Variants in LAMA5 observed in about 807,000 individuals in gnomAD.
LAMA5 encodes laminin subunit alpha-5.
In LAMA5, 260 loss-of-function variants were observed where a neutral mutation model predicts 433.4. That is an observed-to-expected ratio of 0.60 (90% CI 0.54 to 0.66). LAMA5 has a LOEUF of 0.66. Ranked by LOEUF, LAMA5 falls within the 30% of genes least tolerant of loss-of-function variation. The pLI, the probability that LAMA5 is intolerant of heterozygous loss-of-function variation, is 0.00. For missense variants in LAMA5, 5,378 were observed against 5,258.5 expected (o/e 1.02, Z -0.70); for synonymous variants, 2,620 against 2,226.6 (o/e 1.18, Z -4.97).
chr20:62,338,208 C>A (rs1364332760), intron 13 of LAMA5, 24 bp downstream of exon 13: 1 of 1,577,304 alleles, frequency 6.3e-7, no homozygotes, highest in Middle Eastern at 1.7e-4. Flanking sequence ...CCTACCCACG[C>A]CCACGTGGAG....
At position 62,311,322 on chromosome 20, in the gene LAMA5, G is replaced by A. The variant is rs1199555902; in HGVS notation, c.9943-15C>T. 3.9e-6 allele frequency: 6 copies of A among 1,546,896 alleles called. No individual in the cohort carries two copies. The highest frequency in any genetic ancestry group is 5.2e-6 in the Non-Finnish European group (6 of 1,149,058). ...CGGCGGGAGGCCTGGGGGCGTGGAT[G>A]GTGAATGCAGGGGCCGCCCACACAG... On this transcript the variant is annotated splice_polypyrimidine_tract_variant and intron_variant, in intron 72 of 79. Transcript: ENST00000252999.
chr20:62,310,517 A>G lies in LAMA5; in HGVS notation c.10502T>C (p.Leu3501Pro). Residue 3501 changes from leucine (L) to proline (P), a missense_variant, in exon 76 of 80, where the codon CTG becomes CCG. Physicochemically the swap from Leu to Pro is moderately conservative, Grantham distance 98 (BLOSUM62 -3). Coordinates refer to ENST00000252999, the MANE Select transcript of LAMA5 (RefSeq NM_005560.6). Reference protein sequence around the residue: ...VKRLRLHGRPLGAPTRMAGVT... With the variant: ...VKRLRLHGRPPGAPTRMAGVT... ...CCCTGCCATCCGTGTGGGGGCCCCC[A>G]GGGGCCTCCCGTGCAGCCTCAGTCT... 6.4e-7 allele frequency: 1 copy of G among 1,555,398 alleles called. No homozygotes were observed. Among genetic ancestry groups the G allele is most frequent in the Non-Finnish European group, 8.6e-7 (1 of 1,157,850 alleles).
intron 70 of LAMA5, 32 bp from the exon 71 acceptor site, chr20:62,311,816 T>TTGGGGCCCC: frequency 1.1e-5 from 17 of 1,520,944 alleles, no homozygotes; most frequent in Non-Finnish European, 1.5e-5. Flanking sequence ...GCTCGGTTTT[T>TTGGGGCCCC]CCCCACCCTG....
At chr20:62,323,435 C>T in intron 45 of LAMA5, 21 bp downstream of exon 45, 1 of 1,519,132 alleles carries the variant, frequency 6.6e-7, no homozygotes, top group Non-Finnish European at 8.8e-7. Context: ...CAGGGTGCAT[C>T]CCTCCCAGCC....
intron 6 of LAMA5, among the ~76,000 whole-genome samples, 174 bp from the exon 7 acceptor site, chr20:62,347,202 C>T (rs925546434): frequency 8.5e-5 from 13 of 152,174 alleles, no homozygotes; most frequent in African/African-American, 2.9e-4. Context: ...CCAGACTCAG[C>T]GTCCCCGAGC....
intron 2 of LAMA5, among the ~76,000 whole-genome samples, chr20:62,354,504 C>G (rs906838975): frequency 4.6e-5 from 7 of 152,086 alleles, no homozygotes; most frequent in Non-Finnish European, 7.4e-5. Flanking sequence ...CACACCCGCC[C>G]AACAGTGAAA....
chr20:62,343,313 G>C (rs1982874298), intron 11 of LAMA5, among the ~76,000 whole-genome samples: 1 of 152,140 alleles, frequency 6.6e-6, no homozygotes, highest in South Asian at 2.1e-4. Context: ...GCAGACAAGA[G>C]AATTCCTGGG....
intron 12 of LAMA5, 39 bp downstream of exon 12, chr20:62,338,429 C>G: frequency 6.2e-7 from 1 of 1,607,456 alleles, no homozygotes; most frequent in Non-Finnish European, 8.5e-7. Flanking sequence ...GTGTCCACCT[C>G]GAGCGCAGGT....
In LAMA5 at chr20:62,312,768, G is replaced by C; in HGVS notation, c.9091C>G (p.Leu3031Val). The C allele has an allele frequency of 6.3e-7, 1 of 1,590,360 alleles. No individual in the cohort carries two copies. ...ACACGCTTGCGGCTGCCCCCCAGCA[G>C]GAACACCTGGATCTACAGGACCAGT... ...TSASKAIQVF[L>V]LGGSRKRVLV... Residue 3031 changes from leucine (L) to valine (V), a missense_variant, in exon 67 of 80, where the codon CTG (leucine) becomes GTG (valine). Transcript: ENST00000252999.
chr20:62,345,901 T>A (rs1601392742), intron 10 of LAMA5, 24 bp from the exon 11 acceptor site: 3 of 1,557,294 alleles, frequency 1.9e-6, no homozygotes, highest in Non-Finnish European at 1.7e-6. Flanking sequence ...ACACGCATGT[T>A]GGCCAGGTCT....
At chr20:62,339,489 GC>G (rs1382305497) in intron 11 of LAMA5, among the ~76,000 whole-genome samples, 1 of 152,064 alleles carries the variant, frequency 6.6e-6, no homozygotes, top group East Asian at 1.9e-4. Flanking sequence ...GCCTGCCTCG[GC>G]CTCCCAAAGT....
Position 62,327,576 on chromosome 20 carries a change from A to G in LAMA5, c.4891T>C (p.Phe1631Leu), listed in dbSNP as rs571458863. The G allele has an allele frequency of 6.2e-7, 1 of 1,612,948 alleles. No individual in the cohort carries two copies. The highest frequency in any genetic ancestry group is 1.1e-5 in the South Asian group (1 of 91,088). Residue 1631 changes from phenylalanine to leucine, a missense_variant, in exon 37 of 80, where the codon TTT (phenylalanine) becomes CTT (leucine). Physicochemically the swap from Phe to Leu is conservative, Grantham distance 22. Coordinates refer to ENST00000252999, the MANE Select transcript of LAMA5 (RefSeq NM_005560.6). ...CTCCGGCAGCGCTCCGTGGCCCCAA[A>G]GCAGAAGCAGCGGGTGCAACCTTTG... The part of the protein sequence containing the change: ...NPKGCTRCFC[F>L]GATERCRSSS...
At position 62,328,987 on chromosome 20, in the gene LAMA5, G is replaced by A. The variant is rs764308453; in HGVS notation, c.4304C>T (p.Ala1435Val). The A allele has an allele frequency of 1.9e-6, 3 of 1,612,666 alleles. No homozygotes were observed. In the South Asian group the frequency reaches 3.3e-5, roughly 18 times the overall value. ...TACTTCGTGGCAGCCACATGGACGG[G>A]CTCCGTTGTTATAGAAGAGGGAGAG... ...ASLSLFYNNGARPCGCHEVGA... is the reference protein window; with the variant it reads ...ASLSLFYNNGVRPCGCHEVGA... Residue 1435 changes from alanine to valine, a missense_variant, in exon 34 of 80, where the codon GCC (alanine) becomes GTC (valine). Coordinates refer to ENST00000252999, the MANE Select transcript of LAMA5 (RefSeq NM_005560.6).
In LAMA5 at chr20:62,362,492, C is replaced by A; in HGVS notation, c.358G>T (p.Ala120Ser). ...CACCAGCGCTCCGTGCCATCGATGG[C>A]ATTGCTCGCGGGGTGTGCCTTGTTG... Reference protein sequence around the residue: ...NSNKAHPASNAIDGTERWWQS... With the variant: ...NSNKAHPASNSIDGTERWWQS... The change falls in exon 2 of 80, where the codon GCC becomes TCC. Residue 120 changes from alanine to serine, a missense_variant. Coordinates refer to ENST00000252999, the MANE Select transcript of LAMA5 (RefSeq NM_005560.6). 1.2e-6 allele frequency: 2 copies of A among 1,605,280 alleles called. No individual in the cohort carries two copies. Among genetic ancestry groups the A allele is most frequent in the Non-Finnish European group, 8.5e-7 (1 of 1,175,592 alleles).
chr20:62,351,661 G>GGGGGCCTCACCTGAAC lies in LAMA5; in HGVS notation c.956+27_956+42dup, dbSNP rs757050830. The GGGGGCCTCACCTGAAC allele has an allele frequency of 9.4e-5, 148 of 1,580,394 alleles. 1 individual carries two copies. The highest frequency in any genetic ancestry group is 8.7e-4 in the Middle Eastern group (5 of 5,722). ...TGACAAGGACAGGCAGGGAGCTGGG[G>GGGGGCCTCACCTGAAC]GGGGCCTCACCTGAACGGGGCCTCA... On this transcript the variant is annotated intron_variant, in intron 6 of 79. Transcript: ENST00000252999.
At chr20:62,312,108 C>T in intron 69 of LAMA5, 58 bp from the exon 70 acceptor site, 3 of 1,609,502 alleles carry the variant, frequency 1.9e-6, no homozygotes, top group Non-Finnish European at 2.5e-6. Context: ...ATTCCAGACA[C>T]CCCAGTCCCA....
intron 16 of LAMA5, among the ~76,000 whole-genome samples, chr20:62,337,197 C>T (rs948651373): frequency 4.6e-5 from 7 of 152,028 alleles, no homozygotes; most frequent in South Asian, 2.1e-4. Context: ...TTATGCGATA[C>T]GCGCACCCAC....
rs770694263 is a variant in LAMA5, at chr20:62,320,596, GT to G, written c.6721del (p.Thr2241GlnfsTer10). On this transcript the variant is annotated frameshift_variant, in exon 50 of 80. Coordinates refer to ENST00000252999, the MANE Select transcript of LAMA5 (RefSeq NM_005560.6). LOFTEE classifies it high-confidence loss of function. ...QQLEVLEQQS[T>X]SLGQDARRLG... ...CCGCCGTGCGTCCTGCCCGAGGCTT[GT>G]GCTCTGCTGCTCCAGCACCTCCAGC... is the stretch of plus-strand genomic sequence containing the variant. The G allele has an allele frequency of 8.7e-6, 14 of 1,606,006 alleles. No individual in the cohort carries two copies. Among genetic ancestry groups the G allele is most frequent in the Non-Finnish European group, 1.0e-5 (12 of 1,178,946 alleles).
At chr20:62,349,352 G>C (rs1160748380) in intron 6 of LAMA5, among the ~76,000 whole-genome samples, 1 of 146,408 alleles carries the variant, frequency 6.8e-6, no homozygotes, top group Non-Finnish European at 1.5e-5. Flanking sequence ...TAAATCTGCA[G>C]AACACCAATG....
Sources: gnomAD v4.1 joint callset for allele counts (sites outside exome capture counted in the v4.1 genomes callset) on GRCh38, gnomAD v4.1.1 for gene constraint, MANE v1.5 for transcripts, NCBI Gene and HGNC (gene_info 2026-07-23, HGNC 2026-07-21) for gene names.